Variants in CCNI observed in about 807,000 individuals in gnomAD.
CCNI encodes cyclin I, also known as cyclin-I.
Under a neutral mutation model 34.1 loss-of-function variants are expected in CCNI, and 14 were observed. The ratio of observed to expected loss-of-function variants is 0.41; its 90% confidence interval spans 0.27 to 0.64. The LOEUF is 0.64. Among genes scored for constraint, CCNI ranks in the 30% least tolerant of loss-of-function variants. CCNI has a pLI of 0.31. For missense variants in CCNI, 385 were observed against 440.5 expected, an observed-to-expected ratio of 0.87 and a Z score of 1.13; for synonymous variants, 154 against 158.4, an observed-to-expected ratio of 0.97 and a Z score of 0.21.
At chr4:77,060,306 C>G (rs1728519167) in intron 2 of CCNI, among the ~76,000 whole-genome samples, 1 of 152,136 alleles carries the variant, frequency 6.6e-6, no homozygotes, top group South Asian at 2.1e-4. Flanking sequence ...TGCAAACGTA[C>G]TCAAATATTA....
intron 1 of CCNI, among the ~76,000 whole-genome samples, chr4:77,073,484 T>A (rs1435711624): frequency 6.6e-6 from 1 of 152,248 alleles, no homozygotes; most frequent in Admixed American, 6.5e-5. Context: ...GACTTCTGAA[T>A]CTTAGTTCCT....
intron 5 of CCNI, 61 bp downstream of exon 5, chr4:77,055,901 T>C (rs999386256): frequency 7.2e-7 from 1 of 1,388,912 alleles, no homozygotes. Flanking sequence ...GCAATCTATT[T>C]TTTAATTTAC....
chr4:77,053,293 TG>T (rs1400099580), intron 6 of CCNI, among the ~76,000 whole-genome samples: 3 of 152,038 alleles, frequency 2.0e-5, no homozygotes, highest in Admixed American at 6.6e-5. Flanking sequence ...AAAAAAGCAT[TG>T]GTTCTTTTAA....
Position 77,075,472 on chromosome 4 carries a change from CTTCT to C in CCNI, c.-48_-45del. On this transcript the variant is annotated splice_region_variant and 5_prime_UTR_variant, in exon 1 of 7. The change creates a premature stop within an existing upstream ORF in the 5' untranslated region. Transcript: ENST00000237654. ...CCCCGCCCCCGCCCCCGCCCCTCAC[CTTCT>C]CCTCCTCTTCCTCCTCCTCCTCCTC... 1 of 960,422 alleles carries C rather than the reference CTTCT, an allele frequency of 1.0e-6. No individual in the cohort carries two copies. Among genetic ancestry groups the C allele is most frequent in the Non-Finnish European group, 1.2e-6 (1 of 806,552 alleles). 59.5% of individuals were successfully genotyped at this position (960,422 alleles called of 1,614,324 possible). A position where few individuals can be genotyped will look rare whatever the true frequency, so the allele number is the denominator to read the frequency against.
In CCNI at chr4:77,073,884, C is replaced by A. The variant is rs189445922; in HGVS notation, c.-44+1588G>T. On this transcript the variant is annotated intron_variant, in intron 1 of 6. Coordinates refer to ENST00000237654, the MANE Select transcript of CCNI (RefSeq NM_006835.3). ...GCCTAATAGCTTCACTTGTAAACAG[C>A]TTAACAAGTAAAAGCACTGAGTGCT... is the stretch of plus-strand genomic sequence containing the variant. 3.8e-4 allele frequency among the ~76,000 whole-genome samples: 58 copies of A among 152,332 alleles called. 2 individuals carry two copies. In the East Asian group the frequency reaches 0.01, roughly 26 times the overall value.
rs145355815 is a variant in CCNI, at chr4:77,068,921, T to G, written c.-43-2516A>C. 8.5e-5 allele frequency among the ~76,000 whole-genome samples: 13 copies of G among 152,292 alleles called. No homozygotes were observed. The East Asian group carries it at 2.5e-3, about 29-fold the overall frequency. ...AACTCAATTATGATTTTGTTAATTT[T>G]TGTGTCTTTAAACGCCTGAGTTTTT... On this transcript the variant is annotated intron_variant, in intron 1 of 6. Coordinates refer to ENST00000237654, the MANE Select transcript of CCNI (RefSeq NM_006835.3).
intron 2 of CCNI, among the ~76,000 whole-genome samples, chr4:77,063,737 T>C (rs961227507): frequency 2.0e-5 from 3 of 150,808 alleles, no homozygotes; most frequent in African/African-American, 4.9e-5. Flanking sequence ...GGGGTTACCC[T>C]GGCAAGCAAC....
At chr4:77,063,008 AC>A (rs1320240671) in intron 2 of CCNI, among the ~76,000 whole-genome samples, 1 of 152,150 alleles carries the variant, frequency 6.6e-6, no homozygotes, top group Non-Finnish European at 1.5e-5. Flanking sequence ...ACACCACCAT[AC>A]CCCTCAGGGA....
In CCNI at chr4:77,047,289, G is replaced by C. The variant is rs942802659; in HGVS notation, c.*930C>G. On this transcript the variant is annotated 3_prime_UTR_variant, in exon 7 of 7. Transcript: ENST00000237654. Reference sequence around the variant, plus strand: ...AAGAAACATAAGGCTGGGGAGGCAGGGGGAGTAAGTTCTATTAGAAAATCC... The same window carrying C: ...AAGAAACATAAGGCTGGGGAGGCAGCGGGAGTAAGTTCTATTAGAAAATCC... 6.6e-6 allele frequency: 1 copy of C among 152,212 alleles called. No homozygotes were observed. Among genetic ancestry groups the C allele is most frequent in the South Asian group, 2.1e-4 (1 of 4,828 alleles). The allele number at this position is 152,212 out of a possible 1,614,324, so 9.4% of individuals were successfully genotyped here.
intron 6 of CCNI, among the ~76,000 whole-genome samples, chr4:77,052,093 A>G (rs1727890664): frequency 6.6e-6 from 1 of 151,994 alleles, no homozygotes; most frequent in African/African-American, 2.4e-5. Flanking sequence ...AGTACCCAAC[A>G]GTTTTTCAAC....
At chr4:77,059,015 CGCA>C (rs1313931695) in intron 2 of CCNI, among the ~76,000 whole-genome samples, 3 of 152,052 alleles carry the variant, frequency 2.0e-5, no homozygotes, top group African/African-American at 7.2e-5. Context: ...GAATTTCTCC[CGCA>C]GCAAGTAGCC....
intron 5 of CCNI, 146 bp downstream of exon 5, chr4:77,055,816 T>C (rs762111627): frequency 3.5e-5 from 24 of 679,922 alleles, no homozygotes; most frequent in African/African-American, 5.5e-5. Context: ...TGATATGACA[T>C]ATATACTAAT....
At chr4:77,067,790 T>TAAAAA (rs375815113) in intron 1 of CCNI, among the ~76,000 whole-genome samples, 2 of 98,682 alleles carry the variant, frequency 2.0e-5, no homozygotes, top group Non-Finnish European at 3.9e-5. Context: ...CTTCTAGGTT[T>TAAAAA]AAAAAAAAAA....
At chr4:77,062,713 A>G (rs977044070) in intron 2 of CCNI, among the ~76,000 whole-genome samples, 1 of 152,234 alleles carries the variant, frequency 6.6e-6, no homozygotes, top group African/African-American at 2.4e-5. Context: ...TCATCTGTAT[A>G]TCAACAATTT....
Position 77,048,459 on chromosome 4 carries a change from C to T in CCNI, c.894G>A (p.Val298=). 6.2e-7 allele frequency: 1 copy of T among 1,614,136 alleles called. No homozygotes were observed. Among genetic ancestry groups the T allele is most frequent in the Non-Finnish European group, 8.5e-7 (1 of 1,180,016 alleles). Residue 298 remains valine (V), a synonymous_variant, in exon 7 of 7, where the codon GTG becomes GTA. Transcript: ENST00000237654. ...DFSKDNSKPE[V]PVRGTAAFYH... Reference sequence around the variant, plus strand: ...AAAAGGCTGCTGTACCTCTGACTGGCACTTCTGGCTTGCTGTTGTCCTTGG... The same window carrying T: ...AAAAGGCTGCTGTACCTCTGACTGGTACTTCTGGCTTGCTGTTGTCCTTGG...
rs533707428 is a variant in CCNI, at chr4:77,073,569, A to G, written c.-44+1903T>C. On this transcript the variant is annotated intron_variant, in intron 1 of 6. Coordinates refer to ENST00000237654, the MANE Select transcript of CCNI (RefSeq NM_006835.3). ...TATTCCCTCCTTGACTTTATGCACT[A>G]GAAACAATGAATTAAAGGTATTTGC... 2.6e-5 allele frequency among the ~76,000 whole-genome samples: 4 copies of G among 152,350 alleles called. No individual in the cohort carries two copies. The East Asian group carries it at 7.7e-4, about 29-fold the overall frequency.
intron 6 of CCNI, among the ~76,000 whole-genome samples, chr4:77,052,755 C>T (rs1168092320): frequency 6.6e-6 from 1 of 152,146 alleles, no homozygotes; most frequent in Non-Finnish European, 1.5e-5. Flanking sequence ...GTGGCCTTGT[C>T]ACACGTCTAA....
rs530633092 is a variant in CCNI, at chr4:77,063,703, AAATAG to A, written c.114+2541_114+2545del. On this transcript the variant is annotated intron_variant, in intron 2 of 6. Transcript: ENST00000237654. ...AGACTCTGTCTCCAAAAAAAAAAAA[AAATAG>A]AATAGAGAAGTGTCCCTGGGGGTTA... 3.6e-3 allele frequency among the ~76,000 whole-genome samples: 539 copies of A among 151,740 alleles called. 3 individuals are homozygous for A. The highest frequency in any genetic ancestry group is 0.012 in the African/African-American group (490 of 41,316).
At chr4:77,074,909 T>G (rs1729781805) in intron 1 of CCNI, 1 of 152,072 alleles carries the variant, frequency 6.6e-6, no homozygotes, top group African/African-American at 2.4e-5. Flanking sequence ...TTCCAGTTAT[T>G]TAATCTAGCC....
Sources: gnomAD v4.1 joint callset for allele counts (sites outside exome capture counted in the v4.1 genomes callset) on GRCh38, gnomAD v4.1.1 for gene constraint, MANE v1.5 for transcripts, NCBI Gene and HGNC (gene_info 2026-07-23, HGNC 2026-07-21) for gene names.